CXADR: variants seen among roughly 807,000 people sequenced by gnomAD.
The protein encoded by CXADR is coxsackievirus and adenovirus receptor.
CXADR carries 20 observed loss-of-function variants against 40.3 expected under a neutral mutation model. The observed-to-expected ratio is 0.50, with a 90% CI of 0.35 to 0.72. CXADR has a LOEUF of 0.72. Ranked by LOEUF, CXADR falls within the 30% of genes least tolerant of loss-of-function variation. CXADR has a pLI of 0.01. For missense variants in CXADR, 332 were observed against 449.1 expected, an observed-to-expected ratio of 0.74 and a Z score of 2.36; for synonymous variants, 150 against 161.3, an observed-to-expected ratio of 0.93 and a Z score of 0.53.
the CXADR span, among the ~76,000 whole-genome samples, chr21:17,624,555 C>T: frequency 6.6e-6 from 1 of 152,208 alleles, no homozygotes; most frequent in East Asian, 1.9e-4. Context: ...TGCTGAATCT[C>T]TCTTGCTGCA....
In CXADR at chr21:17,567,192, T is replaced by A; in HGVS notation, c.*1500T>A. The A allele has an allele frequency of 1.0e-6, 1 of 985,420 alleles. No homozygotes were observed. The highest frequency in any genetic ancestry group is 1.2e-6 in the Non-Finnish European group (1 of 829,912). The allele number at this position is 985,420 out of a possible 1,614,324, so 61.0% of individuals were successfully genotyped here. ...CCCTAGATTTTAGTAGGGAGTTGGTTTCTGTTAATATCTTTGGGTGCTGTG... is the reference window on the plus strand; with the variant it reads ...CCCTAGATTTTAGTAGGGAGTTGGTATCTGTTAATATCTTTGGGTGCTGTG... On this transcript the variant is annotated 3_prime_UTR_variant, in exon 7 of 7. Coordinates refer to ENST00000284878, the MANE Select transcript of CXADR (RefSeq NM_001338.5).
chr21:17,558,080 C>T (rs1278149434), intron 3 of CXADR, among the ~76,000 whole-genome samples: 2 of 43,418 alleles, frequency 4.6e-5, no homozygotes, highest in African/African-American at 1.0e-4. Flanking sequence ...CCTCAGATTT[C>T]CTTTTTTTTT....
At chr21:17,553,853 G>A (rs532287859) in intron 3 of CXADR, among the ~76,000 whole-genome samples, 3 of 152,152 alleles carry the variant, frequency 2.0e-5, no homozygotes, top group South Asian at 2.1e-4. Context: ...TCCAGACCTC[G>A]TGATCTGCCT....
chr21:17,625,427 C>T, the CXADR span, among the ~76,000 whole-genome samples: 1 of 151,888 alleles, frequency 6.6e-6, no homozygotes, highest in African/African-American at 2.4e-5. Context: ...TCCCAATTAC[C>T]GATTTGATCA....
intron 1 of CXADR, among the ~76,000 whole-genome samples, chr21:17,528,820 C>T (rs2060632882): frequency 6.6e-6 from 1 of 152,094 alleles, no homozygotes; most frequent in Non-Finnish European, 1.5e-5. Flanking sequence ...TCAGTGAGGC[C>T]TCCAGAGCCT....
At position 17,569,691 on chromosome 21, in the gene CXADR, T is replaced by C. The variant is rs1333443369; in HGVS notation, c.*3999T>C. 1.0e-5 allele frequency: 10 copies of C among 967,882 alleles called. No individual in the cohort carries two copies. The highest frequency in any genetic ancestry group is 2.5e-6 in the Non-Finnish European group (2 of 814,234). 60.0% of individuals were successfully genotyped at this position (967,882 alleles called of 1,614,324 possible). A position where few individuals can be genotyped will look rare whatever the true frequency, so the allele number is the denominator to read the frequency against. On this transcript the variant is annotated 3_prime_UTR_variant, in exon 7 of 7. Coordinates refer to ENST00000284878, the MANE Select transcript of CXADR (RefSeq NM_001338.5). ...AGCCTCTTATTCATTATGGTTAACT[T>C]TTATAATTTATCTTATTTTATAATT...
chr21:17,606,098 T>C, the CXADR span, among the ~76,000 whole-genome samples: 1 of 152,008 alleles, frequency 6.6e-6, no homozygotes, highest in African/African-American at 2.4e-5. Context: ...CATAATAATA[T>C]TAACAATAAT....
At chr21:17,577,611 G>GTTTT (rs1569152178) in intron 7 of CXADR, among the ~76,000 whole-genome samples, 1 of 46,614 alleles carries the variant, frequency 2.1e-5, no homozygotes, top group East Asian at 1.4e-3. Flanking sequence ...CATTCTGCAA[G>GTTTT]CTTTTTTTTT....
chr21:17,568,691 A>G lies in CXADR; in HGVS notation c.*2999A>G, dbSNP rs2061246964. 3.0e-6 allele frequency: 3 copies of G among 984,970 alleles called. No homozygotes were observed. Among genetic ancestry groups the G allele is most frequent in the Non-Finnish European group, 2.4e-6 (2 of 829,886 alleles). 61.0% of individuals were successfully genotyped at this position (984,970 alleles called of 1,614,324 possible). A position where few individuals can be genotyped will look rare whatever the true frequency, so the allele number is the denominator to read the frequency against. On this transcript the variant is annotated 3_prime_UTR_variant, in exon 7 of 7. Coordinates refer to ENST00000284878, the MANE Select transcript of CXADR (RefSeq NM_001338.5). The stretch of plus-strand genomic sequence containing the variant: ...CAGGTGTGAGCCGCAGCATCCAGCC[A>G]GTTCTGTACTTTGAATATGGAGTAG...
At chr21:17,632,833 C>T in the CXADR span, among the ~76,000 whole-genome samples, 2 of 152,070 alleles carry the variant, frequency 1.3e-5, no homozygotes, top group Non-Finnish European at 2.9e-5. Context: ...CGCCACCGCA[C>T]TCCAGCCTGG....
chr21:17,513,304 G>T (rs1431656433), intron 1 of CXADR, 132 bp downstream of exon 1: 3 of 926,322 alleles, frequency 3.2e-6, no homozygotes, highest in South Asian at 7.5e-5. Context: ...GGGGCGGCGG[G>T]GCGGGCAGAA....
the CXADR span, among the ~76,000 whole-genome samples, chr21:17,599,760 G>A: frequency 3.3e-5 from 5 of 152,288 alleles, no homozygotes; most frequent in South Asian, 6.2e-4. Context: ...GTTTATAGGC[G>A]TGAGCCATCA....
At chr21:17,564,641 C>T (rs1411791373) in intron 6 of CXADR, among the ~76,000 whole-genome samples, 2 of 152,042 alleles carry the variant, frequency 1.3e-5, no homozygotes, top group African/African-American at 4.8e-5. Context: ...TCCCAGCAAA[C>T]TTAAATCTGT....
chr21:17,632,999 A>G, the CXADR span: 1 of 152,178 alleles, frequency 6.6e-6, no homozygotes, highest in Admixed American at 6.5e-5. Context: ...CTGTGCTAAG[A>G]CAATTGGATA....
the CXADR span, among the ~76,000 whole-genome samples, chr21:17,601,847 T>C: frequency 6.6e-6 from 1 of 152,186 alleles, no homozygotes; most frequent in African/African-American, 2.4e-5. Context: ...CAAGGGCAAA[T>C]ATCTAATGAT....
At chr21:17,530,670 C>T (rs558704000) in intron 1 of CXADR, among the ~76,000 whole-genome samples, 219 of 152,102 alleles carry the variant, frequency 1.4e-3, no homozygotes, top group Non-Finnish European at 2.7e-3. Flanking sequence ...AAAAATTAGC[C>T]GGGCGTGGTA....
At chr21:17,597,685 G>A (rs1465067620), downstream of CXADR, among the ~76,000 whole-genome samples, 1 of 151,590 alleles carries the variant, frequency 6.6e-6, no homozygotes, top group Admixed American at 6.6e-5. Context: ...ATAATCTTCA[G>A]AAATAATCTT....
At chr21:17,622,343 G>A in the CXADR span, among the ~76,000 whole-genome samples, 1 of 152,126 alleles carries the variant, frequency 6.6e-6, no homozygotes, top group Non-Finnish European at 1.5e-5. Flanking sequence ...TGTTTGTGAT[G>A]TGGTTGGCAA....
the CXADR span, among the ~76,000 whole-genome samples, chr21:17,622,520 G>T: frequency 9.6e-5 from 14 of 145,974 alleles, no homozygotes; most frequent in African/African-American, 3.6e-4. Flanking sequence ...TTTCAGGGGG[G>T]CATGAAAAGA....
Sources: allele counts gnomAD v4.1 joint callset (sites outside exome capture counted in the v4.1 genomes callset), GRCh38; gene constraint gnomAD v4.1.1; transcripts MANE v1.5; gene names NCBI Gene and HGNC (gene_info 2026-07-23, HGNC 2026-07-21).